Variants in MORC4 observed in about 807,000 individuals in gnomAD.
MORC4 encodes MORC family CW-type zinc finger 4, also known as MORC family CW-type zinc finger protein 4.
Under a neutral mutation model 65.5 loss-of-function variants are expected in MORC4, and 22 were observed. That is an observed-to-expected ratio of 0.34 (90% confidence interval 0.24 to 0.48). The LOEUF is 0.48. MORC4 is among the 20% of genes least tolerant of loss of function. The pLI is 0.99. For synonymous variants in MORC4, 267 were observed against 255.8 expected, an observed-to-expected ratio of 1.04 and a Z score of -0.42; for missense variants, 624 against 703.0, an observed-to-expected ratio of 0.89 and a Z score of 1.27.
chrX:106,942,852 G>A lies in MORC4; in HGVS notation c.2039C>T (p.Thr680Ile), dbSNP rs1328940608. ...VAEESNRGST[T>I]INKEEVNKGP... The stretch of plus-strand genomic sequence containing the variant: ...CTTGTTGACTTCTTCTTTGTTTATG[G>A]TTGTGCTACCTCTGTTAGATTCTTC... Residue 680 changes from threonine to isoleucine, a missense_variant, in exon 15 of 17, where the codon ACC becomes ATC. Transcript: ENST00000355610. 2 of 1,211,551 alleles carry A rather than the reference G, an allele frequency of 1.7e-6. No individual in the cohort carries two copies. The highest frequency in any genetic ancestry group is 3.5e-5 in the South Asian group (2 of 56,960).
intron 9 of MORC4, among the ~76,000 whole-genome samples, chrX:106,969,725 A>T (rs1028164499): frequency 1.3e-4 from 15 of 112,245 alleles, no homozygotes; most frequent in Non-Finnish European, 2.3e-4. Context: ...TAGAAAATCT[A>T]GAAGAAATGG....
At chrX:106,964,213 T>A (rs1323536158) in intron 9 of MORC4, among the ~76,000 whole-genome samples, 3 of 111,135 alleles carry the variant, frequency 2.7e-5, no homozygotes, top group Admixed American at 9.6e-5. Flanking sequence ...CAAAACAAAG[T>A]CTGGAGCTGA....
At chrX:106,951,995 CAAAAAAAAAAAA>C (rs56864570) in intron 14 of MORC4, among the ~76,000 whole-genome samples, 53 of 31,670 alleles carry the variant, frequency 1.7e-3, no homozygotes, top group Non-Finnish European at 2.5e-3. Context: ...GACTCTGCCG[CAAAAAAAAAAAA>C]AAAAAAAAAA....
At chrX:106,946,626 C>T (rs751353353) in intron 14 of MORC4, among the ~76,000 whole-genome samples, 17 of 112,106 alleles carry the variant, frequency 1.5e-4, no homozygotes, top group Admixed American at 7.6e-4. Flanking sequence ...ATACGTTTTC[C>T]GTTTTCTTGG....
intron 2 of MORC4, among the ~76,000 whole-genome samples, chrX:106,999,164 G>A (rs1935130793): frequency 9.0e-6 from 1 of 111,564 alleles, no homozygotes; most frequent in Admixed American, 9.5e-5. Context: ...GCCCTCCGCA[G>A]TAGCAGGGAG....
intron 14 of MORC4, 147 bp from the exon 15 acceptor site, chrX:106,943,352 CCCACAAG>C (rs1275639136): frequency 4.3e-6 from 2 of 464,135 alleles, no homozygotes; most frequent in Non-Finnish European, 7.3e-6. Flanking sequence ...TACAACTTTA[CCCACAAG>C]CCTCAACCAT....
intron 8 of MORC4, 74 bp downstream of exon 8, chrX:106,978,006 A>G (rs1034156116): frequency 1.2e-5 from 13 of 1,091,369 alleles, no homozygotes; most frequent in East Asian, 3.1e-5. Flanking sequence ...TAATGAGCCT[A>G]TCCCCTTTGC....
Position 106,941,371 on chromosome X carries a change from TGAGAGAGAGAGA to T in MORC4, c.*96_*107del, listed in dbSNP as rs58310740. ...TCTATATAAGGCATAAAGGTGAGGG[TGAGAGAGAGAGA>T]GAGAGAGAGAGAGAGAGAGAGAGAG... On this transcript the variant is annotated 3_prime_UTR_variant, in exon 17 of 17. Transcript: ENST00000355610. 4.0e-3 allele frequency: 1,544 copies of T among 390,196 alleles called. No homozygotes were observed. The highest frequency in any genetic ancestry group is 0.017 in the South Asian group (346 of 20,423). 32.2% of individuals were successfully genotyped at this position (390,196 alleles called of 1,213,427 possible).
In MORC4 at chrX:106,980,943, A is replaced by G. The variant is rs760164998; in HGVS notation, c.884T>C (p.Ile295Thr). The change falls in exon 7 of 17, where the codon ATT becomes ACT. Residue 295 changes from isoleucine (I) to threonine (T), a missense_variant. Ile to Thr is a moderately conservative substitution (Grantham distance 89). Coordinates refer to ENST00000355610, the MANE Select transcript of MORC4 (RefSeq NM_024657.5). ...LRQKKVTTQM[I>T]AKSLANVEYD... ...TTCTACATTGGCCAGGCTCTTGGCA[A>G]TCATCTGGGTAGTCACCTTCTTTTG... 1.7e-6 allele frequency: 2 copies of G among 1,208,209 alleles called. No homozygotes were observed. The highest frequency in any genetic ancestry group is 2.2e-6 in the Non-Finnish European group (2 of 892,241).
intron 9 of MORC4, among the ~76,000 whole-genome samples, chrX:106,976,206 C>T (rs949920092): frequency 9.0e-6 from 1 of 111,511 alleles, no homozygotes; most frequent in Non-Finnish European, 1.9e-5. Flanking sequence ...TGTTCACTGG[C>T]TTCAAGAAAA....
chrX:106,999,256 T>G, intron 2 of MORC4, among the ~76,000 whole-genome samples: 1 of 111,070 alleles, frequency 9.0e-6, no homozygotes, highest in Admixed American at 9.5e-5. Context: ...AACTCCGCTT[T>G]CCAGACCTTT....
At chrX:106,998,657 G>GT (rs755910199) in intron 2 of MORC4, among the ~76,000 whole-genome samples, 1 of 112,276 alleles carries the variant, frequency 8.9e-6, no homozygotes, top group East Asian at 2.8e-4. Flanking sequence ...GGTTCCAAAC[G>GT]TATCAATTCC....
chrX:106,945,537 G>T (rs1419101801), intron 14 of MORC4, among the ~76,000 whole-genome samples: 2 of 108,266 alleles, frequency 1.8e-5, no homozygotes, highest in Middle Eastern at 4.3e-3. Flanking sequence ...AGATGGGGAG[G>T]AGGGAACAAA....
intron 9 of MORC4, among the ~76,000 whole-genome samples, chrX:106,968,229 G>T (rs751887205): frequency 7.2e-5 from 8 of 111,208 alleles, no homozygotes; most frequent in African/African-American, 2.6e-4. Flanking sequence ...CTTCATAAGT[G>T]AAGGAGAAAT....
At position 106,999,943 on chromosome X, in the gene MORC4, G is replaced by A. The variant is rs749807826; in HGVS notation, c.27C>T (p.Ala9=). 1 of 875,619 alleles carries A rather than the reference G, an allele frequency of 1.1e-6. No homozygotes were observed. 72.2% of individuals were successfully genotyped at this position (875,619 alleles called of 1,213,427 possible). MLLYRGAP[A]GPGAPGCGLA... ...GCCCGCAGCCCGGCGCGCCAGGGCC[G>A]GCGGGGGCCCCTCGGTACAGGAGCA... Residue 9 remains alanine (A), a synonymous_variant, in exon 1 of 17, where the codon GCC becomes GCT. Transcript: ENST00000355610.
At chrX:106,966,402 T>C (rs1318282577) in intron 9 of MORC4, among the ~76,000 whole-genome samples, 1 of 112,383 alleles carries the variant, frequency 8.9e-6, no homozygotes, top group Non-Finnish European at 1.9e-5. Flanking sequence ...CATTTCCAAC[T>C]GAGGTACCTG....
At chrX:106,984,974 G>A in intron 5 of MORC4, 122 bp downstream of exon 5, 1 of 590,767 alleles carries the variant, frequency 1.7e-6, no homozygotes, top group Non-Finnish European at 2.5e-6. Flanking sequence ...TTCGAGACCA[G>A]CCTGGGCAAC....
chrX:106,975,112 G>A (rs1934597119), intron 9 of MORC4, among the ~76,000 whole-genome samples: 1 of 111,697 alleles, frequency 9.0e-6, no homozygotes, highest in Non-Finnish European at 1.9e-5. Flanking sequence ...TCTAATGCCT[G>A]TAAAATTTTA....
chrX:106,969,014 C>T (rs894172707), intron 9 of MORC4, among the ~76,000 whole-genome samples: 1 of 111,963 alleles, frequency 8.9e-6, no homozygotes, highest in East Asian at 2.8e-4. Flanking sequence ...CTCTCCACCA[C>T]GAATCAACAG....
Sources: gnomAD v4.1 joint callset for allele counts (sites outside exome capture counted in the v4.1 genomes callset) on GRCh38, gnomAD v4.1.1 for gene constraint, MANE v1.5 for transcripts, NCBI Gene and HGNC (gene_info 2026-07-23, HGNC 2026-07-21) for gene names.